Variants in CDH12 observed in about 807,000 individuals in gnomAD.
The protein encoded by CDH12 is cadherin-12.
In CDH12, 41 loss-of-function variants were observed where a neutral mutation model predicts 74.1. The observed-to-expected ratio is 0.55, with a 90% CI of 0.43 to 0.72. The LOEUF is 0.72. Ranked by LOEUF, CDH12 falls within the 30% of genes least tolerant of loss-of-function variation. CDH12 has a pLI of 0.00. For synonymous variants in CDH12, 399 were observed against 355.0 expected, an observed-to-expected ratio of 1.12 and a Z score of -1.39; for missense variants, 945 against 977.2, an observed-to-expected ratio of 0.97 and a Z score of 0.44.
intron 4 of CDH12, among the ~76,000 whole-genome samples, chr5:22,145,950 C>T (rs1747146548): frequency 6.6e-6 from 1 of 151,994 alleles, no homozygotes; most frequent in African/African-American, 2.4e-5. Context: ...CCATAATGAT[C>T]GCCTATCTTT....
chr5:22,642,410 TA>T (rs1454370532), intron 1 of CDH12, among the ~76,000 whole-genome samples: 2 of 152,176 alleles, frequency 1.3e-5, no homozygotes, highest in African/African-American at 4.8e-5. Context: ...CTGTGATTCA[TA>T]AATATTCCCT....
rs1003695653 is a variant in CDH12, at chr5:21,967,898, A to G, written c.526+7193T>C. 6.4e-4 allele frequency among the ~76,000 whole-genome samples: 98 copies of G among 152,278 alleles called. 1 individual carries two copies. Among genetic ancestry groups the G allele is most frequent in the Non-Finnish European group, 2.8e-4 (19 of 68,018 alleles). ...CACAAGGCCTTGCTCAATTTCATCA[A>G]AAGTGTTAAAGCGACTCAGCAGATT... is the stretch of plus-strand genomic sequence containing the variant. On this transcript the variant is annotated intron_variant, in intron 6 of 14. Coordinates refer to ENST00000382254, the MANE Select transcript of CDH12 (RefSeq NM_004061.5).
At chr5:21,823,338 A>G (rs892258660) in intron 8 of CDH12, among the ~76,000 whole-genome samples, 2 of 152,102 alleles carry the variant, frequency 1.3e-5, no homozygotes, top group African/African-American at 2.4e-5. Flanking sequence ...TGATATGATC[A>G]TAGTTTCCTG....
chr5:22,216,953 C>T (rs1751827766), intron 3 of CDH12, among the ~76,000 whole-genome samples: 1 of 151,726 alleles, frequency 6.6e-6, no homozygotes, highest in Non-Finnish European at 1.5e-5. Flanking sequence ...GAAAATGCAT[C>T]TATTTGCCTA....
At chr5:22,095,434 C>T (rs777119326) in intron 4 of CDH12, among the ~76,000 whole-genome samples, 11 of 152,102 alleles carry the variant, frequency 7.2e-5, no homozygotes, top group East Asian at 1.9e-4. Flanking sequence ...ATTGCAGGGA[C>T]GCCTCTCTGA....
chr5:22,282,786 T>A (rs986180319), intron 3 of CDH12, among the ~76,000 whole-genome samples: 1 of 152,130 alleles, frequency 6.6e-6, no homozygotes, highest in African/African-American at 2.4e-5. Flanking sequence ...TTTACACTGT[T>A]GGTGGGAGTA....
intron 1 of CDH12, among the ~76,000 whole-genome samples, chr5:22,547,206 T>C (rs1738372312): frequency 6.6e-6 from 1 of 152,108 alleles, no homozygotes; most frequent in Non-Finnish European, 1.5e-5. Flanking sequence ...TGAAAGTTAG[T>C]TTTAAAAGGT....
At position 22,212,594 on chromosome 5, in the gene CDH12, G is replaced by A. The variant is rs1751605483; in HGVS notation, c.-283C>T. On this transcript the variant is annotated 5_prime_UTR_variant, in exon 4 of 15. Transcript: ENST00000382254. The stretch of plus-strand genomic sequence containing the variant: ...GAAGTTTTCAATCAACACCCTCCAA[G>A]TAGCTGCATCCTGTGCTCCTTTTCC... The A allele has an allele frequency of 2.0e-6, 2 of 985,568 alleles. No individual in the cohort carries two copies. Among genetic ancestry groups the A allele is most frequent in the African/African-American group, 1.7e-5 (1 of 57,228 alleles). The allele number at this position is 985,568 out of a possible 1,614,324, so 61.1% of individuals were successfully genotyped here.
At chr5:22,420,889 TG>T (rs1253184984) in intron 2 of CDH12, among the ~76,000 whole-genome samples, 3 of 152,150 alleles carry the variant, frequency 2.0e-5, no homozygotes, top group Non-Finnish European at 4.4e-5. Flanking sequence ...TTGTAGTTCT[TG>T]AAGAGGTCCT....
At chr5:22,611,386 A>T (rs144137477) in intron 1 of CDH12, among the ~76,000 whole-genome samples, 48 of 152,146 alleles carry the variant, frequency 3.2e-4, no homozygotes, top group Non-Finnish European at 2.2e-4. Context: ...AATTTAGTCA[A>T]TTCTGGCTCT....
At chr5:22,312,037 T>C (rs1486596032) in intron 3 of CDH12, among the ~76,000 whole-genome samples, 5 of 152,126 alleles carry the variant, frequency 3.3e-5, no homozygotes, top group African/African-American at 7.2e-5. Context: ...AATACACATA[T>C]AATTGAATTA....
intron 1 of CDH12, among the ~76,000 whole-genome samples, chr5:22,848,934 A>C (rs1196750104): frequency 6.6e-6 from 1 of 151,970 alleles, no homozygotes; most frequent in African/African-American, 2.4e-5. Context: ...TATCATATAA[A>C]GTTTAGGATA....
rs147852939 is a variant in CDH12, at chr5:21,988,983, T to G, written c.232-13598A>C. ...AGAATCCTATACATCTGCGTATATT[T>G]GAGGAGTCTTTAGAGTTCACTAAAG... On this transcript the variant is annotated intron_variant, in intron 5 of 14. Coordinates refer to ENST00000382254, the MANE Select transcript of CDH12 (RefSeq NM_004061.5). Among the ~76,000 whole-genome samples, 291 of 152,240 alleles carry G rather than the reference T, an allele frequency of 1.9e-3. 1 individual carries two copies. Among genetic ancestry groups the G allele is most frequent in the African/African-American group, 6.6e-3 (276 of 41,546 alleles).
chr5:22,072,932 G>A (rs1026708743), intron 5 of CDH12, among the ~76,000 whole-genome samples: 3 of 152,080 alleles, frequency 2.0e-5, no homozygotes, highest in Non-Finnish European at 4.4e-5. Context: ...CATCCACTGG[G>A]TGTTGAGATA....
At chr5:22,108,693 T>C (rs575010446) in intron 4 of CDH12, among the ~76,000 whole-genome samples, 452 of 152,316 alleles carry the variant, frequency 3.0e-3, no homozygotes, top group African/African-American at 0.01. Context: ...GCCTGAAGTT[T>C]AACACTTAGA....
intron 5 of CDH12, among the ~76,000 whole-genome samples, chr5:22,030,803 A>C (rs1003775442): frequency 6.6e-6 from 1 of 152,148 alleles, no homozygotes; most frequent in Non-Finnish European, 1.5e-5. Flanking sequence ...CTGTTGTTTA[A>C]TGTAGCTACA....
rs534211357 is a variant in CDH12 at position 21,933,280 on chromosome 5, G to A, written c.526+41811C>T. On this transcript the variant is annotated intron_variant, in intron 6 of 14. Transcript: ENST00000382254. ...AACATCAGTTATCTCTTTTTTATAC[G>A]TTGAAATTAAATATGAGACTAATAG... Among the ~76,000 whole-genome samples the A allele has an allele frequency of 1.3e-3, 196 of 151,786 alleles. 1 individual carries two copies. The highest frequency in any genetic ancestry group is 4.5e-3 in the African/African-American group (187 of 41,354).
Position 22,016,374 on chromosome 5 carries a change from T to C in CDH12, c.232-40989A>G, listed in dbSNP as rs551180817. On this transcript the variant is annotated intron_variant, in intron 5 of 14. Coordinates refer to ENST00000382254, the MANE Select transcript of CDH12 (RefSeq NM_004061.5). ...TTGTAATCTTTTCTGCTCCCATTTA[T>C]AGAATCACTTATATAAGATTTTTTT... Among the ~76,000 whole-genome samples the C allele has an allele frequency of 8.5e-5, 13 of 152,226 alleles. No homozygotes were observed. The East Asian group carries it at 2.1e-3, about 25-fold the overall frequency.
At chr5:22,627,283 A>T (rs559933456) in intron 1 of CDH12, among the ~76,000 whole-genome samples, 20 of 152,230 alleles carry the variant, frequency 1.3e-4, no homozygotes, top group African/African-American at 4.8e-4. Flanking sequence ...CAAGACACGT[A>T]GTCATCAGAT....
Sources: allele counts gnomAD v4.1 joint callset (sites outside exome capture counted in the v4.1 genomes callset), GRCh38; gene constraint gnomAD v4.1.1; transcripts MANE v1.5; gene names NCBI Gene and HGNC (gene_info 2026-07-23, HGNC 2026-07-21).